NARS1: variants seen among roughly 807,000 people sequenced by gnomAD.
NARS1 encodes asparagine--tRNA ligase, cytoplasmic.
NARS1 carries 65 observed loss-of-function variants against 79.2 expected under a neutral mutation model. The ratio of observed to expected loss-of-function variants is 0.82; its 90% CI spans 0.67 to 1.01. The LOEUF (loss-of-function observed/expected upper bound fraction) is 1.01, where lower values mean the gene tolerates loss of function less well. Among genes scored for constraint, NARS1 ranks in the 50% least tolerant of loss-of-function variants. The pLI is 0.00. For missense variants in NARS1, 649 were observed against 673.8 expected (o/e 0.96, Z 0.41); for synonymous variants, 229 against 238.8 (o/e 0.96, Z 0.38).
chr18:57,606,477 A>G lies in NARS1; in HGVS notation c.1137+139T>C, dbSNP rs1239956349. On this transcript the variant is annotated intron_variant, in intron 10 of 13. Transcript: ENST00000256854. ...TATAAAATTATTGACAGTGACTAAC[A>G]TCAAATTCTAGTCTTCAAAATAATT... The G allele has an allele frequency of 1.0e-5, 8 of 794,250 alleles. No homozygotes were observed. The Admixed American group carries it at 2.0e-4, about 20-fold the overall frequency. 49.2% of individuals were successfully genotyped at this position (794,250 alleles called of 1,614,324 possible).
chr18:57,619,174 A>G (rs1213118122), intron 2 of NARS1, among the ~76,000 whole-genome samples: 1 of 150,728 alleles, frequency 6.6e-6, no homozygotes, highest in Non-Finnish European at 1.5e-5. Context: ...GGCTCACTGC[A>G]GCCTCAACCT....
chr18:57,621,575 T>TC, intron 1 of NARS1, 133 bp downstream of exon 1: 3 of 275,456 alleles, frequency 1.1e-5, no homozygotes, highest in Non-Finnish European at 2.2e-5. Flanking sequence ...CCTCCCTCCC[T>TC]CCCTGCAATC....
chr18:57,607,756 G>T, intron 7 of NARS1, 91 bp from the exon 8 acceptor site: 1 of 1,093,874 alleles, frequency 9.1e-7, no homozygotes, highest in Non-Finnish European at 1.3e-6. Flanking sequence ...TCAAAGTTTT[G>T]GTAAGCTGAG....
At chr18:57,611,821 G>T in intron 5 of NARS1, 114 bp from the exon 6 acceptor site, 1 of 428,788 alleles carries the variant, frequency 2.3e-6, no homozygotes, top group Non-Finnish European at 3.8e-6. Flanking sequence ...AGAGTGCAGT[G>T]GCACAATCAC....
Position 57,621,812 on chromosome 18 carries a change from G to C in NARS1, c.-95C>G. 1 of 1,596,770 alleles carries C rather than the reference G, an allele frequency of 6.3e-7. No individual in the cohort carries two copies. The highest frequency in any genetic ancestry group is 1.1e-5 in the South Asian group (1 of 89,108). On this transcript the variant is annotated 5_prime_UTR_variant, in exon 1 of 14. Transcript: ENST00000256854. ...TGCACCGGCGGTTTCCGCGATTCCG[G>C]CGTTGCATCAGAGAGCGTAGATCTG...
In NARS1 at chr18:57,616,412, T is replaced by C. The variant is rs374665913; in HGVS notation, c.94-437A>G. Among the ~76,000 whole-genome samples the C allele has an allele frequency of 1.6e-4, 23 of 146,922 alleles. No individual in the cohort carries two copies. In the East Asian group the frequency reaches 3.4e-3, roughly 22 times the overall value. ...TCCAGCCTGGGCAACAGAGCGAGAC[T>C]CTGTCTCAAGAGAAAAAAAAAAAAA... On this transcript the variant is annotated intron_variant, in intron 2 of 13. Coordinates refer to ENST00000256854, the MANE Select transcript of NARS1 (RefSeq NM_004539.4).
At chr18:57,603,037 A>G in intron 11 of NARS1, 94 bp from the exon 12 acceptor site, 2 of 1,246,290 alleles carry the variant, frequency 1.6e-6, no homozygotes, top group Non-Finnish European at 2.3e-6. Flanking sequence ...TCCTCCTATC[A>G]ATTCAACAGA....
intron 2 of NARS1, among the ~76,000 whole-genome samples, chr18:57,617,242 C>T (rs1027604395): frequency 4.6e-5 from 7 of 152,200 alleles, no homozygotes; most frequent in Middle Eastern, 3.4e-3. Context: ...CCTGCAAAAA[C>T]GGACTTTTTC....
In NARS1 at chr18:57,613,582, G is replaced by A. The variant is rs757575315; in HGVS notation, c.421+20C>T. On this transcript the variant is annotated intron_variant, in intron 5 of 13. Coordinates refer to ENST00000256854, the MANE Select transcript of NARS1 (RefSeq NM_004539.4). ...AGGGATATTTAAACATTAAAAAGAA[G>A]GAAAAGCTTTGCCATTTACCTTGCC... 7 of 1,597,158 alleles carry A rather than the reference G, an allele frequency of 4.4e-6. No individual in the cohort carries two copies. In the South Asian group the frequency reaches 4.5e-5, roughly 10 times the overall value.
chr18:57,621,062 G>C (rs1908278491), intron 1 of NARS1, among the ~76,000 whole-genome samples: 2 of 152,112 alleles, frequency 1.3e-5, no homozygotes, highest in South Asian at 4.1e-4. Context: ...TCCCCATCTT[G>C]AAAGGCTGTG....
Position 57,605,912 on chromosome 18 carries a change from C to T in NARS1, c.1196G>A (p.Trp399Ter). The change falls in exon 11 of 14, where the codon TGG becomes TAG. Residue 399 changes from tryptophan to a stop codon, truncating the protein, a stop_gained. Transcript: ENST00000256854. LOFTEE classifies it high-confidence loss of function. ...KRMNYSDAIV[W>*]LKEHDVKKED... Reference sequence around the variant, plus strand: ...TTTCTTTACATCATGTTCTTTTAGCCAAACGATAGCATCTGAATAGTTCAT... The same window carrying T: ...TTTCTTTACATCATGTTCTTTTAGCTAAACGATAGCATCTGAATAGTTCAT... The T allele has an allele frequency of 6.2e-7, 1 of 1,613,592 alleles. No individual in the cohort carries two copies. The highest frequency in any genetic ancestry group is 8.5e-7 in the Non-Finnish European group (1 of 1,179,730).
intron 4 of NARS1, among the ~76,000 whole-genome samples, chr18:57,615,060 G>T (rs2051636754): frequency 6.6e-6 from 1 of 151,874 alleles, no homozygotes; most frequent in South Asian, 2.1e-4. Context: ...GCATGCCTGT[G>T]GTCCCCCCTA....
At chr18:57,616,036 T>C (rs781482589) in intron 2 of NARS1, 61 bp from the exon 3 acceptor site, 9 of 1,424,890 alleles carry the variant, frequency 6.3e-6, no homozygotes, top group Non-Finnish European at 4.8e-6. Context: ...AAAATCAAAA[T>C]AACATCTCAA....
intron 5 of NARS1, among the ~76,000 whole-genome samples, 155 bp from the exon 6 acceptor site, chr18:57,611,862 A>C (rs2051607499): frequency 6.6e-6 from 1 of 152,110 alleles, no homozygotes; most frequent in Non-Finnish European, 1.5e-5. Context: ...TCCTGGGCTC[A>C]AGCAAACCTC....
chr18:57,613,226 G>T (rs2051619726), intron 5 of NARS1, among the ~76,000 whole-genome samples: 1 of 151,894 alleles, frequency 6.6e-6, no homozygotes. Context: ...GGGCGCAGCG[G>T]CTCATACCTG....
At chr18:57,619,811 C>T (rs753585078) in intron 2 of NARS1, among the ~76,000 whole-genome samples, 3 of 152,054 alleles carry the variant, frequency 2.0e-5, no homozygotes, top group Non-Finnish European at 4.4e-5. Context: ...CCTCAGTCTC[C>T]GGAGTAGCTG....
At chr18:57,614,515 TAATAA>T (rs139343637) in intron 4 of NARS1, among the ~76,000 whole-genome samples, 23,495 of 151,754 alleles carry the variant, frequency 0.15, 2,057 homozygotes, top group Non-Finnish European at 0.2. Flanking sequence ...AATAAATAAA[TAATAA>T]AATAAAATAA....
chr18:57,616,020 A>G, intron 2 of NARS1, 45 bp from the exon 3 acceptor site: 3 of 1,484,412 alleles, frequency 2.0e-6, no homozygotes, highest in Non-Finnish European at 2.7e-6. Flanking sequence ...ACATTGTACA[A>G]TACTTAAAAT....
chr18:57,611,529 G>T, intron 6 of NARS1, 108 bp downstream of exon 6: 2 of 693,614 alleles, frequency 2.9e-6, no homozygotes, highest in Admixed American at 3.5e-5. Flanking sequence ...TTGATTCATT[G>T]ACATTCACTG....
Sources: gnomAD v4.1 joint callset for allele counts (sites outside exome capture counted in the v4.1 genomes callset) on GRCh38, gnomAD v4.1.1 for gene constraint, MANE v1.5 for transcripts, NCBI Gene and HGNC (gene_info 2026-07-23, HGNC 2026-07-21) for gene names.